LRP5: variants seen among roughly 807,000 people sequenced by gnomAD.
LRP5 encodes low-density lipoprotein receptor-related protein 5.
Under a neutral mutation model 154.1 loss-of-function variants are expected in LRP5, and 62 were observed. The ratio of observed to expected loss-of-function variants is 0.40; its 90% CI spans 0.33 to 0.50. LRP5 has a LOEUF of 0.50. LRP5 is among the 20% of genes least tolerant of loss of function. The pLI is 0.55. For missense variants in LRP5, 1,915 were observed against 2,336.7 expected (o/e 0.82, Z 3.72); for synonymous variants, 966 against 1,011.5 (o/e 0.96, Z 0.85).
intron 2 of LRP5, among the ~76,000 whole-genome samples, chr11:68,356,939 C>CTTTT (rs1206842769): frequency 1.4e-5 from 2 of 142,014 alleles, no homozygotes; most frequent in Non-Finnish European, 1.5e-5. Context: ...CTTTTCTTTT[C>CTTTT]TTTTTTTTTT....
Position 68,370,360 on chromosome 11 carries a change from A to G in LRP5, c.1015+4658A>G, listed in dbSNP as rs1278054740. On this transcript the variant is annotated intron_variant, in intron 5 of 22. Coordinates refer to ENST00000294304, the MANE Select transcript of LRP5 (RefSeq NM_002335.4). Reference sequence around the variant, plus strand: ...GCTCATTTTCCTGCAAGCGGGGGAGAGGGGGGGACAGGCCCTGTGGTGATT... The same window carrying G: ...GCTCATTTTCCTGCAAGCGGGGGAGGGGGGGGGACAGGCCCTGTGGTGATT... Among the ~76,000 whole-genome samples the G allele has an allele frequency of 2.6e-5, 4 of 151,020 alleles. No individual in the cohort carries two copies. In the East Asian group the frequency reaches 5.9e-4, roughly 22 times the overall value.
At chr11:68,362,260 C>T (rs2098628513) in intron 3 of LRP5, among the ~76,000 whole-genome samples, 1 of 151,774 alleles carries the variant, frequency 6.6e-6, no homozygotes, top group Non-Finnish European at 1.5e-5. Flanking sequence ...GGGCTGGGGG[C>T]GGGGACTGGG....
chr11:68,344,391 T>C (rs2098610974), intron 1 of LRP5, among the ~76,000 whole-genome samples: 1 of 152,186 alleles, frequency 6.6e-6, no homozygotes, highest in East Asian at 1.9e-4. Context: ...TGACCTCAGC[T>C]CACTGCAACC....
intron 1 of LRP5, among the ~76,000 whole-genome samples, chr11:68,320,587 A>G (rs2098596196): frequency 6.6e-6 from 1 of 150,618 alleles, no homozygotes; most frequent in South Asian, 2.1e-4. Flanking sequence ...TCAGCCTCCC[A>G]AGTAGCTGGG....
chr11:68,438,253 G>A lies in LRP5; in HGVS notation c.4112-193G>A, dbSNP rs1246493398. 2.6e-5 allele frequency among the ~76,000 whole-genome samples: 4 copies of A among 152,154 alleles called. No homozygotes were observed. In the East Asian group the frequency reaches 5.8e-4, roughly 22 times the overall value. ...GGTCAGAGGAGGAGGAGGGTGCACC[G>A]TGCAGGCTGAAGGGCCACGTTACCC... On this transcript the variant is annotated intron_variant, in intron 19 of 22. Coordinates refer to ENST00000294304, the MANE Select transcript of LRP5 (RefSeq NM_002335.4).
intron 21 of LRP5, among the ~76,000 whole-genome samples, chr11:68,440,731 G>C (rs1183554391): frequency 1.3e-5 from 2 of 152,014 alleles, no homozygotes; most frequent in African/African-American, 4.8e-5. Context: ...GCCCTTCTGG[G>C]TATCCCTCAC....
Position 68,436,999 on chromosome 11 carries a change from G to A in LRP5, c.4111G>A (p.Glu1371Lys). The A allele has an allele frequency of 6.2e-7, 1 of 1,612,768 alleles. No homozygotes were observed. Among genetic ancestry groups the A allele is most frequent in the Admixed American group, 1.7e-5 (1 of 60,004 alleles). Residue 1371 changes from glutamate to lysine, a missense_variant and splice_region_variant, in exon 19 of 23, where the codon GAA becomes AAA. Coordinates refer to ENST00000294304, the MANE Select transcript of LRP5 (RefSeq NM_002335.4). The part of the protein sequence containing the change: ...CIDGSDELMC[E>K]ITKPPSDDSP... The stretch of plus-strand genomic sequence containing the variant: ...CGACGGCTCCGACGAGCTCATGTGT[G>A]GTGAGCCAGCTTCTGGCACGGGGAA...
rs2098655820 is a variant in LRP5, at chr11:68,406,591, C to G, written c.1869C>G (p.Thr623=). ...TGTGCTTCTTCACACCCCACGCAAC[C>G]CGGTGTGGCTGCCCCATCGGCCTGG... ...SHLCFFTPHA[T]RCGCPIGLEL... Residue 623 remains threonine (T), a synonymous_variant, in exon 9 of 23, where the codon ACC becomes ACG. Coordinates refer to ENST00000294304, the MANE Select transcript of LRP5 (RefSeq NM_002335.4). 37 of 1,614,210 alleles carry G rather than the reference C, an allele frequency of 2.3e-5. No homozygotes were observed. The highest frequency in any genetic ancestry group is 3.1e-5 in the Non-Finnish European group (37 of 1,180,036).
chr11:68,374,003 G>A (rs554007077), intron 5 of LRP5, among the ~76,000 whole-genome samples: 25 of 152,340 alleles, frequency 1.6e-4, no homozygotes, highest in South Asian at 6.2e-4. Context: ...CAGTGCTCCC[G>A]GCAGCGCCCA....
chr11:68,400,321 T>A (rs1377542016), intron 7 of LRP5, among the ~76,000 whole-genome samples: 2 of 152,152 alleles, frequency 1.3e-5, no homozygotes, highest in Admixed American at 1.3e-4. Context: ...GCCAGGGAAA[T>A]GGACTTCCTT....
intron 1 of LRP5, among the ~76,000 whole-genome samples, chr11:68,337,902 G>T (rs963887279): frequency 4.6e-5 from 7 of 151,442 alleles, no homozygotes; most frequent in Non-Finnish European, 1.0e-4. Flanking sequence ...CTACAGCCAG[G>T]TCTTCTTCCT....
In LRP5 at chr11:68,439,882, G is replaced by C. The variant is rs546569008; in HGVS notation, c.4454G>C (p.Ser1485Thr). ...RNHVTGASSS[S>T]SSSTKATLYP... The stretch of plus-strand genomic sequence containing the variant: ...CACGTCACAGGGGCCTCGTCCAGCA[G>C]CTCGTCCAGCACGAAGGCCACGCTG... The change falls in exon 21 of 23, where the codon AGC becomes ACC. Residue 1485 changes from serine to threonine, a missense_variant. Around this residue, in one of 3 missense-constraint regions of LRP5, gnomAD observed 1,094 missense variants for 1,210.1 expected, o/e 0.90. Transcript: ENST00000294304. The C allele has an allele frequency of 6.3e-7, 1 of 1,581,602 alleles. No homozygotes were observed. Among genetic ancestry groups the C allele is most frequent in the East Asian group, 2.3e-5 (1 of 43,764 alleles).
intron 1 of LRP5, among the ~76,000 whole-genome samples, chr11:68,324,676 A>G (rs2098598622): frequency 6.6e-6 from 1 of 152,244 alleles, no homozygotes; most frequent in African/African-American, 2.4e-5. Flanking sequence ...TTATTAAGCA[A>G]CAGCCCCTTC....
chr11:68,346,301 C>T (rs887540218), intron 1 of LRP5, among the ~76,000 whole-genome samples: 2 of 152,212 alleles, frequency 1.3e-5, no homozygotes, highest in African/African-American at 4.8e-5. Context: ...GCGGAGGCGC[C>T]GCTGTCATTT....
At chr11:68,440,050 C>T (rs1197407393) in intron 21 of LRP5, 134 bp downstream of exon 21, 1 of 708,260 alleles carries the variant, frequency 1.4e-6, no homozygotes, top group Non-Finnish European at 2.3e-6. Context: ...TGCTTTCTTC[C>T]CTTTTCAAAC....
rs761279762 is a variant in LRP5, at chr11:68,433,712, G to A, written c.3874G>A (p.Glu1292Lys). The A allele has an allele frequency of 3.1e-6, 5 of 1,613,014 alleles. No homozygotes were observed. The highest frequency in any genetic ancestry group is 4.2e-6 in the Non-Finnish European group (5 of 1,179,924). ...TCCCGAGTGCGATGACCAGAGCGAC[G>A]AGGAGGGCTGCCCCGTGTGCTCCGC... The part of the protein sequence containing the change: ...GFPECDDQSD[E>K]EGCPVCSAAQ... Residue 1292 changes from glutamate to lysine, a missense_variant, in exon 18 of 23, where the codon GAG (glutamate) becomes AAG (lysine). By Grantham distance (56) the Glu-to-Lys change is moderately conservative. This residue lies in a region of LRP5 where 1,094 missense variants were observed against 1,210.1 expected (regional missense o/e 0.90). Coordinates refer to ENST00000294304, the MANE Select transcript of LRP5 (RefSeq NM_002335.4).
chr11:68,341,979 G>A (rs1055167138), intron 1 of LRP5, among the ~76,000 whole-genome samples: 9 of 152,052 alleles, frequency 5.9e-5, no homozygotes, highest in Non-Finnish European at 8.8e-5. Context: ...GGAGGAGTGA[G>A]TGCCCATGGC....
chr11:68,440,745 T>C (rs777404234), intron 21 of LRP5, among the ~76,000 whole-genome samples: 12 of 152,090 alleles, frequency 7.9e-5, no homozygotes, highest in Non-Finnish European at 1.8e-4. Flanking sequence ...CCCTCACATC[T>C]GGGGTCTTGT....
At chr11:68,428,117 CAAGT>C (rs1350840533) in intron 16 of LRP5, among the ~76,000 whole-genome samples, 6 of 151,702 alleles carry the variant, frequency 4.0e-5, no homozygotes, top group Admixed American at 6.6e-5. Context: ...CTCAGCCTTC[CAAGT>C]AACTGGGATT....
Sources: gnomAD v4.1 joint callset for allele counts (sites outside exome capture counted in the v4.1 genomes callset) on GRCh38, gnomAD v4.1.1 for gene constraint, gnomAD v4.1.1 regional missense constraint, MANE v1.5 for transcripts, NCBI Gene and HGNC (gene_info 2026-07-23, HGNC 2026-07-21) for gene names.